The following NTNG1 variants were observed in gnomAD, a reference collection of about 807,000 sequenced individuals.
The protein encoded by NTNG1 is netrin-G1.
In NTNG1, 16 loss-of-function variants were observed where a neutral mutation model predicts 54.0. That is an observed-to-expected ratio of 0.30 (90% confidence interval 0.20 to 0.45). NTNG1 has a LOEUF of 0.45. Ranked by LOEUF, NTNG1 falls within the 20% of genes least tolerant of loss-of-function variation. NTNG1 has a pLI of 1.00. For missense variants in NTNG1, 530 were observed against 678.7 expected, an observed-to-expected ratio of 0.78 and a Z score of 2.43; for synonymous variants, 255 against 263.1, an observed-to-expected ratio of 0.97 and a Z score of 0.30.
At chr1:107,313,388 C>T (rs548337109) in intron 2 of NTNG1, among the ~76,000 whole-genome samples, 1 of 151,310 alleles carries the variant, frequency 6.6e-6, no homozygotes, top group East Asian at 2.0e-4. Context: ...GTTAACTTTT[C>T]AGTATGTTGA....
chr1:107,460,889 T>G (rs994947686), intron 7 of NTNG1, among the ~76,000 whole-genome samples: 13 of 152,130 alleles, frequency 8.5e-5, no homozygotes, highest in Non-Finnish European at 8.8e-5. Context: ...TGGTGTTCAG[T>G]AGTTGTCATC....
At chr1:107,246,356 G>A (rs1383861122) in intron 2 of NTNG1, among the ~76,000 whole-genome samples, 1 of 149,984 alleles carries the variant, frequency 6.7e-6, no homozygotes, top group Non-Finnish European at 1.5e-5. Context: ...ATTATTAGTA[G>A]TAGGCTATAC....
chr1:107,182,879 A>G (rs1167446626), intron 2 of NTNG1, among the ~76,000 whole-genome samples: 1 of 152,186 alleles, frequency 6.6e-6, no homozygotes, highest in Non-Finnish European at 1.5e-5. Context: ...AAATGATAGC[A>G]TTCTGTTGAA....
At chr1:107,468,105 G>C (rs1380788225) in intron 7 of NTNG1, among the ~76,000 whole-genome samples, 32 of 151,994 alleles carry the variant, frequency 2.1e-4, no homozygotes, top group Non-Finnish European at 1.2e-4. Context: ...GAATTACAGC[G>C]ATTCCCTGGA....
chr1:107,445,932 G>A (rs1000599020), intron 7 of NTNG1, among the ~76,000 whole-genome samples: 1 of 152,058 alleles, frequency 6.6e-6, no homozygotes, highest in Non-Finnish European at 1.5e-5. Context: ...TTTAAAAAAG[G>A]TAAAAACCAT....
At chr1:107,480,486 G>T (rs960056955) in intron 7 of NTNG1, 125 bp from the exon 8 acceptor site, 5 of 630,000 alleles carry the variant, frequency 7.9e-6, no homozygotes, top group South Asian at 6.1e-5. Context: ...GAGGGGAGGG[G>T]GGAGCACAAA....
intron 3 of NTNG1, among the ~76,000 whole-genome samples, chr1:107,391,319 T>TA (rs1309961712): frequency 1.3e-5 from 2 of 152,244 alleles, no homozygotes; most frequent in African/African-American, 2.4e-5. Context: ...TATATTTGTG[T>TA]AAAAAAATAT....
At chr1:107,178,201 A>T (rs1656789656) in intron 2 of NTNG1, among the ~76,000 whole-genome samples, 1 of 152,208 alleles carries the variant, frequency 6.6e-6, no homozygotes, top group Non-Finnish European at 1.5e-5. Flanking sequence ...CATCAAGTTT[A>T]GATCTATAAT....
chr1:107,364,181 C>T lies in NTNG1; in HGVS notation c.888-30973C>T, dbSNP rs1670454724. ...CAAATTATCTTCCAAACCTTTTTCACACCATACGTATTTTATATAATTGTT... is the reference window on the plus strand; with the variant it reads ...CAAATTATCTTCCAAACCTTTTTCATACCATACGTATTTTATATAATTGTT... On this transcript the variant is annotated intron_variant, in intron 3 of 7. Transcript: ENST00000370068. Among the ~76,000 whole-genome samples the T allele has an allele frequency of 2.0e-5, 3 of 152,162 alleles. 1 individual carries two copies. The highest frequency in any genetic ancestry group is 2.0e-4 in the Admixed American group (3 of 15,266).
intron 2 of NTNG1, among the ~76,000 whole-genome samples, chr1:107,292,528 A>G (rs1434865513): frequency 6.6e-6 from 1 of 152,114 alleles, no homozygotes; most frequent in Non-Finnish European, 1.5e-5. Context: ...GCACCAGGAA[A>G]AGGCAGTCTC....
At chr1:107,185,674 C>T (rs1302592203) in intron 2 of NTNG1, among the ~76,000 whole-genome samples, 1 of 152,062 alleles carries the variant, frequency 6.6e-6, no homozygotes, top group African/African-American at 2.4e-5. Context: ...TTGAAAGTTA[C>T]GTAGCATCGT....
intron 2 of NTNG1, among the ~76,000 whole-genome samples, chr1:107,251,063 A>T (rs985238593): frequency 6.6e-6 from 1 of 152,262 alleles, no homozygotes; most frequent in African/African-American, 2.4e-5. Context: ...GAATACATTT[A>T]TCATGAAGAA....
intron 2 of NTNG1, among the ~76,000 whole-genome samples, chr1:107,244,625 T>A (rs1241908821): frequency 6.6e-6 from 1 of 152,210 alleles, no homozygotes; most frequent in Non-Finnish European, 1.5e-5. Context: ...TATTGTTATA[T>A]TTTTGAGTTT....
chr1:107,273,642 A>G (rs1664293019), intron 2 of NTNG1, among the ~76,000 whole-genome samples: 1 of 152,132 alleles, frequency 6.6e-6, no homozygotes, highest in African/African-American at 2.4e-5. Context: ...TTAAGGAATG[A>G]ATGAAGCTTT....
At chr1:107,350,025 C>T (rs918054814) in intron 3 of NTNG1, among the ~76,000 whole-genome samples, 1 of 152,136 alleles carries the variant, frequency 6.6e-6, no homozygotes, top group Admixed American at 6.5e-5. Context: ...ATATTTTCAA[C>T]AGCAGGTCTA....
chr1:107,246,894 C>G (rs1244950099), intron 2 of NTNG1, among the ~76,000 whole-genome samples: 1 of 152,098 alleles, frequency 6.6e-6, no homozygotes, highest in Non-Finnish European at 1.5e-5. Context: ...TCGTACGCTT[C>G]CTTTCTTGGT....
chr1:107,451,025 CTG>C (rs1320021733), intron 7 of NTNG1, among the ~76,000 whole-genome samples: 1 of 151,954 alleles, frequency 6.6e-6, no homozygotes, highest in Non-Finnish European at 1.5e-5. Context: ...AGCTTGGTGA[CTG>C]TTAATACCCT....
chr1:107,324,743 C>T lies in NTNG1; in HGVS notation c.708C>T (p.Arg236=), dbSNP rs1667849061. The T allele has an allele frequency of 6.2e-7, 1 of 1,613,492 alleles. No individual in the cohort carries two copies. Among genetic ancestry groups the T allele is most frequent in the African/African-American group, 1.3e-5 (1 of 74,860 alleles). Residue 236 remains arginine, a synonymous_variant, in exon 3 of 8, where the codon CGC becomes CGT. Transcript: ENST00000370068. ...KDRFAFFAGP[R]LRNMASLYGQ... is the part of the protein sequence containing the mutation. ...GGTTCGCGTTTTTTGCTGGACCTCG[C>T]CTACGCAATATGGCTTCCCTCTACG...
chr1:107,239,129 A>G (rs961062804), intron 2 of NTNG1, among the ~76,000 whole-genome samples: 4 of 152,196 alleles, frequency 2.6e-5, no homozygotes, highest in Non-Finnish European at 5.9e-5. Flanking sequence ...TTGTGAAGGA[A>G]AAGTATACAT....
Sources: allele counts gnomAD v4.1 joint callset (sites outside exome capture counted in the v4.1 genomes callset), GRCh38; gene constraint gnomAD v4.1.1; transcripts MANE v1.5; gene names NCBI Gene and HGNC (gene_info 2026-07-23, HGNC 2026-07-21).